UNC13C: variants seen among roughly 807,000 people sequenced by gnomAD.
UNC13C encodes the protein protein unc-13 homolog C.
In UNC13C, 174 loss-of-function variants were observed where a neutral mutation model predicts 245.4. The observed-to-expected ratio is 0.71, with a 90% CI of 0.63 to 0.80. The LOEUF (loss-of-function observed/expected upper bound fraction) is 0.80. UNC13C is among the 30% of genes least tolerant of loss of function. The pLI is 0.00. For synonymous variants in UNC13C, 992 were observed against 895.1 expected (o/e 1.11, Z -1.93); for missense variants, 2,829 against 2,602.9 (o/e 1.09, Z -1.89).
chr15:54,462,936 A>G (rs1891936505), intron 19 of UNC13C, among the ~76,000 whole-genome samples: 1 of 152,102 alleles, frequency 6.6e-6, no homozygotes, highest in Admixed American at 6.5e-5. Flanking sequence ...GGGGGCTTGG[A>G]GAACTTTCGT....
intron 2 of UNC13C, among the ~76,000 whole-genome samples, chr15:54,071,071 G>A (rs1161846878): frequency 6.6e-6 from 1 of 152,098 alleles, no homozygotes; most frequent in Non-Finnish European, 1.5e-5. Flanking sequence ...AGAGTCTGGT[G>A]TAGCATCTGA....
At chr15:54,424,201 A>G (rs1232345166) in intron 19 of UNC13C, among the ~76,000 whole-genome samples, 8 of 151,822 alleles carry the variant, frequency 5.3e-5, no homozygotes. Flanking sequence ...AGATATAACC[A>G]ATGAAAAAAA....
intron 4 of UNC13C, among the ~76,000 whole-genome samples, chr15:54,160,562 T>C (rs2032932530): frequency 6.6e-6 from 1 of 151,988 alleles, no homozygotes; most frequent in Non-Finnish European, 1.5e-5. Context: ...AGAAATAGAA[T>C]TCATGATCTT....
intron 13 of UNC13C, among the ~76,000 whole-genome samples, chr15:54,308,414 TACA>T (rs2037781076): frequency 6.6e-6 from 1 of 151,950 alleles, no homozygotes; most frequent in African/African-American, 2.4e-5. Flanking sequence ...ATTTATTATA[TACA>T]ACATGATGTT....
intron 7 of UNC13C, among the ~76,000 whole-genome samples, chr15:54,249,755 TCC>T (rs1321319962): frequency 6.6e-6 from 1 of 152,152 alleles, no homozygotes. Context: ...ATAAGATCCT[TCC>T]CCGGTGATAG....
chr15:54,572,935 T>C (rs965227631), intron 30 of UNC13C, among the ~76,000 whole-genome samples: 2 of 152,134 alleles, frequency 1.3e-5, no homozygotes, highest in Non-Finnish European at 2.9e-5. Flanking sequence ...TTCTTTTCCT[T>C]TCTCATCTCC....
chr15:54,623,719 C>T, intron 31 of UNC13C, 76 bp from the exon 32 acceptor site: 1 of 1,407,118 alleles, frequency 7.1e-7, no homozygotes. Flanking sequence ...GTTTTGGCTT[C>T]ATAAATCACT....
chr15:53,907,006 G>T, the UNC13C span, among the ~76,000 whole-genome samples: 8 of 152,166 alleles, frequency 5.3e-5, no homozygotes, highest in Non-Finnish European at 7.4e-5. Flanking sequence ...GACACGTGGG[G>T]AGTATAGCAT....
intron 14 of UNC13C, among the ~76,000 whole-genome samples, chr15:54,327,644 T>G (rs954329526): frequency 6.6e-6 from 1 of 151,994 alleles, no homozygotes; most frequent in Non-Finnish European, 1.5e-5. Context: ...TCCACTGAAA[T>G]GAAAGGCAGG....
intron 26 of UNC13C, among the ~76,000 whole-genome samples, chr15:54,544,913 C>T (rs550533820): frequency 1.3e-5 from 2 of 152,276 alleles, no homozygotes; most frequent in South Asian, 2.1e-4. Context: ...CATCAAGCTA[C>T]CATTAACTTT....
chr15:54,205,784 C>T (rs1242653319), intron 4 of UNC13C, among the ~76,000 whole-genome samples: 1 of 152,026 alleles, frequency 6.6e-6, no homozygotes, highest in Non-Finnish European at 1.5e-5. Flanking sequence ...GCAAACACCT[C>T]ACTTTTCACA....
At chr15:54,209,663 C>T (rs920410791) in intron 4 of UNC13C, among the ~76,000 whole-genome samples, 1 of 152,092 alleles carries the variant, frequency 6.6e-6, no homozygotes, top group South Asian at 2.1e-4. Flanking sequence ...GTCGGCCCAC[C>T]CTGGCCTCCC....
intron 17 of UNC13C, among the ~76,000 whole-genome samples, chr15:54,342,533 C>A (rs896016936): frequency 6.6e-6 from 1 of 151,420 alleles, no homozygotes; most frequent in Non-Finnish European, 1.5e-5. Flanking sequence ...TGCATTCCAG[C>A]CTTGGTGACA....
rs370928588 is a variant in UNC13C at position 54,219,180 on chromosome 15, G to A, written c.3072-15850G>A. The stretch of plus-strand genomic sequence containing the variant: ...AAAAGAACAAAGCTGGAGGCATCAC[G>A]CTACCTGACTTCAAACTATACTACA... On this transcript the variant is annotated intron_variant, in intron 4 of 32. Transcript: ENST00000260323. 7.9e-5 allele frequency among the ~76,000 whole-genome samples: 12 copies of A among 151,882 alleles called. No individual in the cohort carries two copies. The East Asian group carries it at 9.7e-4, about 12-fold the overall frequency.
At chr15:54,245,562 C>T (rs10518762) in intron 7 of UNC13C, among the ~76,000 whole-genome samples, 5,340 of 152,136 alleles carry the variant, frequency 0.035, 288 homozygotes, top group East Asian at 0.23. Flanking sequence ...AGGATGATTA[C>T]TTAGATGAGC....
chr15:54,447,867 G>A lies in UNC13C; in HGVS notation c.4933+32800G>A, dbSNP rs187174465. The stretch of plus-strand genomic sequence containing the variant: ...TCTAGTTCTTTTAATTGTGATGTTA[G>A]GGTGTCAATTTTAGATCTTTCCTGC... On this transcript the variant is annotated intron_variant, in intron 19 of 32. Coordinates refer to ENST00000260323, the MANE Select transcript of UNC13C (RefSeq NM_001080534.3). 5.1e-3 allele frequency among the ~76,000 whole-genome samples: 775 copies of A among 152,220 alleles called. 6 individuals carry two copies. The highest frequency in any genetic ancestry group is 0.017 in the African/African-American group (724 of 41,520).
At chr15:54,347,412 T>A (rs2038883003) in intron 17 of UNC13C, among the ~76,000 whole-genome samples, 1 of 152,210 alleles carries the variant, frequency 6.6e-6, no homozygotes, top group South Asian at 2.1e-4. Flanking sequence ...TAAATTTATA[T>A]ATTTTGGTAA....
intron 2 of UNC13C, among the ~76,000 whole-genome samples, chr15:54,122,585 G>GAA (rs929417613): frequency 1.2e-4 from 18 of 151,362 alleles, no homozygotes; most frequent in African/African-American, 4.4e-4. Context: ...AATCAAGATA[G>GAA]AAAAAAAAAT....
chr15:54,618,511 G>C (rs1179027305), intron 30 of UNC13C, among the ~76,000 whole-genome samples: 2 of 152,120 alleles, frequency 1.3e-5, no homozygotes, highest in African/African-American at 2.4e-5. Flanking sequence ...CAAATCCATA[G>C]GAAATGGAAA....
Sources: gnomAD v4.1 joint callset for allele counts (sites outside exome capture counted in the v4.1 genomes callset) on GRCh38, gnomAD v4.1.1 for gene constraint, MANE v1.5 for transcripts, NCBI Gene and HGNC (gene_info 2026-07-23, HGNC 2026-07-21) for gene names.